The following FOXP1 variants were observed in gnomAD, a reference collection of about 807,000 sequenced individuals.
The protein encoded by FOXP1 is forkhead box protein P1.
In FOXP1, 15 loss-of-function variants were observed where a neutral mutation model predicts 98.2. That is an observed-to-expected ratio of 0.15 (90% CI 0.10 to 0.24). FOXP1 has a LOEUF of 0.24. FOXP1 is among the 10% of genes least tolerant of loss of function. The pLI is 1.00. For missense variants in FOXP1, 633 were observed against 848.5 expected, an observed-to-expected ratio of 0.75 and a Z score of 3.15; for synonymous variants, 371 against 314.5, an observed-to-expected ratio of 1.18 and a Z score of -1.90.
intron 2 of FOXP1, among the ~76,000 whole-genome samples, chr3:71,523,988 T>C (rs893518638): frequency 6.6e-6 from 1 of 152,094 alleles, no homozygotes; most frequent in African/African-American, 2.4e-5. Flanking sequence ...AAACAATGTA[T>C]GTTACCAGCC....
chr3:71,300,904 G>A (rs1252946813), intron 4 of FOXP1, among the ~76,000 whole-genome samples: 1 of 152,186 alleles, frequency 6.6e-6, no homozygotes, highest in Non-Finnish European at 1.5e-5. Flanking sequence ...CCTGAATGTG[G>A]AAAGGCAAAC....
intron 3 of FOXP1, among the ~76,000 whole-genome samples, chr3:71,442,574 C>T (rs1440990464): frequency 6.6e-6 from 1 of 152,156 alleles, no homozygotes; most frequent in Non-Finnish European, 1.5e-5. Flanking sequence ...TCCTCTCTGT[C>T]GTCAGTATCA....
intron 6 of FOXP1, among the ~76,000 whole-genome samples, chr3:71,135,824 C>G (rs886111712): frequency 6.6e-6 from 1 of 152,216 alleles, no homozygotes; most frequent in Non-Finnish European, 1.5e-5. Flanking sequence ...GGCTCCAAAA[C>G]GGCAGCGACC....
chr3:71,581,969 G>A (rs2048210110), intron 1 of FOXP1: 4 of 958,300 alleles, frequency 4.2e-6, no homozygotes, highest in South Asian at 4.8e-5. Flanking sequence ...GGAGGGGGGA[G>A]GAATAGGGAG....
intron 2 of FOXP1, chr3:71,581,308 C>T (rs2048146710): frequency 1.0e-6 from 1 of 985,316 alleles, no homozygotes; most frequent in South Asian, 4.7e-5. Context: ...TTACACTCCA[C>T]GCTAAACTTT....
At position 71,581,905 on chromosome 3, in the gene FOXP1, G is replaced by A. The variant is rs562097554; in HGVS notation, c.-446-208C>T. The A allele has an allele frequency of 1.3e-5, 13 of 984,488 alleles. No homozygotes were observed. The South Asian group carries it at 1.9e-4, about 14-fold the overall frequency. 61.0% of individuals were successfully genotyped at this position (984,488 alleles called of 1,614,324 possible). On this transcript the variant is annotated intron_variant, in intron 1 of 20. Coordinates refer to ENST00000649528, the MANE Select transcript of FOXP1 (RefSeq NM_001349338.3). The stretch of plus-strand genomic sequence containing the variant: ...GATCCAGAGACCGGGAAATCGGCCC[G>A]AGCCAAAGTCTCAGCACCTTCCCCA...
At chr3:71,536,673 T>C (rs2044321956) in intron 2 of FOXP1, among the ~76,000 whole-genome samples, 1 of 147,548 alleles carries the variant, frequency 6.8e-6, no homozygotes, top group African/African-American at 2.5e-5. Context: ...AGGGCAAAAA[T>C]GTATGGGTGT....
At chr3:71,457,709 C>T (rs567880364) in intron 3 of FOXP1, among the ~76,000 whole-genome samples, 1 of 152,308 alleles carries the variant, frequency 6.6e-6, no homozygotes, top group East Asian at 1.9e-4. Flanking sequence ...GGGGAAAGGG[C>T]TTAACCACTG....
intron 9 of FOXP1, among the ~76,000 whole-genome samples, chr3:71,047,552 A>C (rs1380523054): frequency 4.6e-5 from 7 of 152,226 alleles, no homozygotes; most frequent in African/African-American, 1.7e-4. Flanking sequence ...TTCTGACATA[A>C]ATAAATGAGA....
chr3:71,126,641 T>C (rs1426468331), intron 6 of FOXP1, among the ~76,000 whole-genome samples: 3 of 151,838 alleles, frequency 2.0e-5, no homozygotes, highest in Non-Finnish European at 4.4e-5. Context: ...CCAGGCAACA[T>C]GGCAAAACTC....
At chr3:71,429,925 T>G (rs1186786068) in intron 3 of FOXP1, among the ~76,000 whole-genome samples, 3 of 152,210 alleles carry the variant, frequency 2.0e-5, no homozygotes, top group Non-Finnish European at 4.4e-5. Context: ...CTCAAACATA[T>G]TTGCATATCC....
chr3:70,983,739 T>C (rs1337133788), intron 14 of FOXP1, among the ~76,000 whole-genome samples: 1 of 152,236 alleles, frequency 6.6e-6, no homozygotes, highest in African/African-American at 2.4e-5. Flanking sequence ...CTCAGTATTA[T>C]AAAATACGAT....
chr3:71,330,394 C>T (rs1025104623), intron 4 of FOXP1, among the ~76,000 whole-genome samples: 13 of 152,220 alleles, frequency 8.5e-5, no homozygotes, highest in Middle Eastern at 3.4e-3. Context: ...ATAATTAAAG[C>T]GTCATGTCAG....
At position 71,327,386 on chromosome 3, in the gene FOXP1, A is replaced by AT. The variant is rs550372415; in HGVS notation, c.-72-27507dup. On this transcript the variant is annotated intron_variant, in intron 4 of 20. Transcript: ENST00000649528. ...TGTGCATCACCACCATGTCCAGCTAATTTTTTTTTTTTTTTTTTTTAGACG... is the reference window on the plus strand; with the variant it reads ...TGTGCATCACCACCATGTCCAGCTAATTTTTTTTTTTTTTTTTTTTTAGACG... Among the ~76,000 whole-genome samples, 131 of 33,642 alleles carry AT rather than the reference A, an allele frequency of 3.9e-3. 3 individuals are homozygous for AT. The highest frequency in any genetic ancestry group is 0.011 in the African/African-American group (113 of 9,908). The allele number at this position is 33,642 out of a possible 152,430, so 22.1% of individuals were successfully genotyped here. A position where few individuals can be genotyped will look rare whatever the true frequency, so the allele number is the denominator to read the frequency against.
chr3:71,063,953 A>G (rs1289975156), intron 7 of FOXP1, among the ~76,000 whole-genome samples: 1 of 152,158 alleles, frequency 6.6e-6, no homozygotes, highest in Non-Finnish European at 1.5e-5. Flanking sequence ...AGAGGGGTAA[A>G]AAGTCCCGTT....
At chr3:71,425,630 AG>A (rs1156490148) in intron 3 of FOXP1, among the ~76,000 whole-genome samples, 3 of 152,066 alleles carry the variant, frequency 2.0e-5, no homozygotes, top group Non-Finnish European at 4.4e-5. Context: ...AACAAGGAGA[AG>A]CTTTGAACTC....
intron 3 of FOXP1, among the ~76,000 whole-genome samples, chr3:71,409,829 C>T (rs1445439284): frequency 6.6e-6 from 1 of 152,152 alleles, no homozygotes; most frequent in South Asian, 2.1e-4. Context: ...GCCTGGGCAA[C>T]ATGGCAAAAC....
chr3:71,383,641 AG>A (rs1296650352), intron 3 of FOXP1, among the ~76,000 whole-genome samples: 1 of 152,148 alleles, frequency 6.6e-6, no homozygotes, highest in Non-Finnish European at 1.5e-5. Flanking sequence ...GAGAAAAAGC[AG>A]GGGTGTCTGT....
At chr3:71,041,691 G>A (rs749383613) in intron 10 of FOXP1, among the ~76,000 whole-genome samples, 159 bp from the exon 11 acceptor site, 1 of 152,100 alleles carries the variant, frequency 6.6e-6, no homozygotes, top group Non-Finnish European at 1.5e-5. Context: ...AGATGCGGTA[G>A]TAAAAAGTGT....
Sources: gnomAD v4.1 joint callset for allele counts (sites outside exome capture counted in the v4.1 genomes callset) on GRCh38, gnomAD v4.1.1 for gene constraint, MANE v1.5 for transcripts, NCBI Gene and HGNC (gene_info 2026-07-23, HGNC 2026-07-21) for gene names.